TGM3: variants seen among roughly 807,000 people sequenced by gnomAD.
The protein encoded by TGM3 is transglutaminase 3, also known as protein-glutamine gamma-glutamyltransferase E.
TGM3 carries 52 observed loss-of-function variants against 73.8 expected under a neutral mutation model. The observed-to-expected ratio is 0.70, with a 90% confidence interval of 0.56 to 0.89. The LOEUF is 0.89. Ranked by LOEUF, TGM3 falls within the 40% of genes least tolerant of loss-of-function variation. The pLI is 0.00. For synonymous variants in TGM3, 372 were observed against 354.9 expected, an observed-to-expected ratio of 1.05 and a Z score of -0.54; for missense variants, 928 against 909.9, an observed-to-expected ratio of 1.02 and a Z score of -0.26.
At chr20:2,323,615 T>C (rs2084272510) in intron 7 of TGM3, among the ~76,000 whole-genome samples, 1 of 152,226 alleles carries the variant, frequency 6.6e-6, no homozygotes, top group Admixed American at 6.5e-5. Context: ...TTACAAGTTT[T>C]TATATTCATT....
At position 2,331,991 on chromosome 20, in the gene TGM3, C is replaced by G. The variant is rs45540331; in HGVS notation, c.1334-11C>G. The G allele has an allele frequency of 0.023, 37,132 of 1,583,964 alleles. 514 individuals are homozygous for G. Among genetic ancestry groups the G allele is most frequent in the African/African-American group, 0.05 (3,734 of 74,266 alleles). ...ATCCCTGGCATGTTTCTGTCTTTTC[C>G]CACCACACAGGCTCTGACCAGGAAA... On this transcript the variant is annotated splice_polypyrimidine_tract_variant and intron_variant, in intron 9 of 12. Transcript: ENST00000381458.
At position 2,328,440 on chromosome 20, in the gene TGM3, A is replaced by G; in HGVS notation, c.1333+75A>G. 1 of 1,579,350 alleles carries G rather than the reference A, an allele frequency of 6.3e-7. No individual in the cohort carries two copies. The highest frequency in any genetic ancestry group is 8.6e-7 in the Non-Finnish European group (1 of 1,161,306). ...GGATGGCTCTGAGGCTGGAGAGGAGAAAAGTCCTCACCTCCCCCGCACTGG... is the reference window on the plus strand; with the variant it reads ...GGATGGCTCTGAGGCTGGAGAGGAGGAAAGTCCTCACCTCCCCCGCACTGG... On this transcript the variant is annotated intron_variant, in intron 9 of 12. Coordinates refer to ENST00000381458, the MANE Select transcript of TGM3 (RefSeq NM_003245.4). The surrounding 1 kb of genome is among the most constrained non-coding windows in gnomAD (Gnocchi z 5.2).
At chr20:2,313,177 G>T (rs2084216133) in intron 5 of TGM3, 151 bp downstream of exon 5, 1 of 1,179,904 alleles carries the variant, frequency 8.5e-7, no homozygotes, top group Admixed American at 2.3e-5. Flanking sequence ...TACTAACTTG[G>T]AGCACAAGGC....
At chr20:2,299,677 T>G (rs778243884) in intron 1 of TGM3, among the ~76,000 whole-genome samples, 2 of 152,220 alleles carry the variant, frequency 1.3e-5, no homozygotes, top group African/African-American at 2.4e-5. Context: ...GCCTCCTTCC[T>G]ATAGCTGCCG....
At chr20:2,316,587 TAATA>T (rs1409017699) in intron 5 of TGM3, among the ~76,000 whole-genome samples, 4 of 150,758 alleles carry the variant, frequency 2.7e-5, no homozygotes, top group African/African-American at 7.3e-5. Flanking sequence ...TAATAAATAA[TAATA>T]AATAAATAAA....
intron 7 of TGM3, among the ~76,000 whole-genome samples, chr20:2,325,605 C>T (rs1452989629): frequency 6.6e-6 from 1 of 152,196 alleles, no homozygotes; most frequent in Non-Finnish European, 1.5e-5. Flanking sequence ...TTGTTAGATG[C>T]TTAACTTCTC....
rs1273004002 is a variant in TGM3, at chr20:2,328,253, C to T, written c.1221C>T (p.Gly407=). 6 of 1,614,042 alleles carry T rather than the reference C, an allele frequency of 3.7e-6. No individual in the cohort carries two copies. Among genetic ancestry groups the T allele is most frequent in the Non-Finnish European group, 5.1e-6 (6 of 1,180,040 alleles). Residue 407 remains glycine (G), a synonymous_variant, in exon 9 of 13, where the codon GGC becomes GGT. Coordinates refer to ENST00000381458, the MANE Select transcript of TGM3 (RefSeq NM_003245.4). This position sits in a 1 kb window ranked among gnomAD's most constrained non-coding sequence, Gnocchi z 5.2. ...RITWLYDNTT[G]KQWKNSVNSH... is the part of the protein sequence containing the mutation. ...CCTGGCTGTACGACAACACCACTGG[C>T]AAACAGTGGAAGAATTCCGTGAACA...
intron 10 of TGM3, among the ~76,000 whole-genome samples, chr20:2,333,370 T>TTTTG (rs562196323): frequency 2.4e-4 from 36 of 152,026 alleles, no homozygotes; most frequent in African/African-American, 5.8e-4. Context: ...AAAGGGCTTT[T>TTTTG]TTTGTTTGTT....
At chr20:2,314,570 C>A (rs867062872) in intron 5 of TGM3, among the ~76,000 whole-genome samples, 7 of 147,050 alleles carry the variant, frequency 4.8e-5, no homozygotes, top group Admixed American at 1.4e-4. Flanking sequence ...CACACACACA[C>A]AGGAGCCAGG....
At chr20:2,300,247 A>AGAAAGAAAGAAAAGAGAGGAGAAGAGAAG (rs2084137734) in intron 1 of TGM3, among the ~76,000 whole-genome samples, 4 of 151,518 alleles carry the variant, frequency 2.6e-5, no homozygotes, top group Non-Finnish European at 5.9e-5. Context: ...AAAGAAAGAA[A>AGAAAGAAAGAAAAGAGAGGAGAAGAGAAG]GAAAGAAAAG....
rs745980148 is a variant in TGM3, at chr20:2,340,506, G to A, written c.2007G>A (p.Lys669=). The part of the protein sequence containing the change: ...FDILPSRSGT[K]QLLADFSCNK... ...TCCTGCCCTCCCGGAGTGGCACCAA[G>A]CAACTGCTCGCCGACTTCTCCTGCA... The change falls in exon 13 of 13, where the codon AAG becomes AAA. Residue 669 remains lysine (K), a synonymous_variant. Transcript: ENST00000381458. The A allele has an allele frequency of 2.5e-6, 4 of 1,614,192 alleles. No individual in the cohort carries two copies. Among genetic ancestry groups the A allele is most frequent in the South Asian group, 2.2e-5 (2 of 91,082 alleles).
chr20:2,315,945 G>A (rs778719033), intron 5 of TGM3, among the ~76,000 whole-genome samples: 5 of 152,224 alleles, frequency 3.3e-5, no homozygotes, highest in Non-Finnish European at 7.3e-5. Context: ...TCCTGTGTCT[G>A]CATCACAAGC....
chr20:2,318,539 T>A (rs1810649219), intron 7 of TGM3, among the ~76,000 whole-genome samples: 1 of 152,224 alleles, frequency 6.6e-6, no homozygotes, highest in South Asian at 2.1e-4. Context: ...ATATACCAAG[T>A]TATTACCGGA....
At chr20:2,320,043 T>C (rs1286668659) in intron 7 of TGM3, among the ~76,000 whole-genome samples, 6 of 152,242 alleles carry the variant, frequency 3.9e-5, no homozygotes, top group Admixed American at 2.6e-4. Flanking sequence ...GCCCTGCTGT[T>C]CCTTCCTCCT....
At chr20:2,298,712 T>C (rs2084125114) in intron 1 of TGM3, among the ~76,000 whole-genome samples, 1 of 152,172 alleles carries the variant, frequency 6.6e-6, no homozygotes, top group Non-Finnish European at 1.5e-5. Context: ...CAGGAATTGC[T>C]CTTGGGTTCT....
chr20:2,318,697 G>C (rs554790668), intron 7 of TGM3, among the ~76,000 whole-genome samples: 2 of 152,212 alleles, frequency 1.3e-5, no homozygotes. Flanking sequence ...CTAGATAATC[G>C]TATGACAGAT....
intron 1 of TGM3, among the ~76,000 whole-genome samples, chr20:2,306,821 A>T (rs1212646247): frequency 6.6e-6 from 1 of 152,130 alleles, no homozygotes. Context: ...CCAAATCTCA[A>T]CTGGCTGGGA....
chr20:2,328,043 T>C lies in TGM3; in HGVS notation c.1088-77T>C, dbSNP rs2084298676. ...CAGAGGCAGGGGGTTGCAGTGGTCC[T>C]GGAAGGCCCTGGGGAATCGGGCACT... On this transcript the variant is annotated intron_variant, in intron 8 of 12. Coordinates refer to ENST00000381458, the MANE Select transcript of TGM3 (RefSeq NM_003245.4). The surrounding 1 kb of genome is among the most constrained non-coding windows in gnomAD (Gnocchi z 5.2). 1.9e-6 allele frequency: 3 copies of C among 1,589,624 alleles called. No homozygotes were observed. The highest frequency in any genetic ancestry group is 4.5e-5 in the East Asian group (2 of 44,594).
At chr20:2,311,757 C>G (rs1431510874) in intron 4 of TGM3, among the ~76,000 whole-genome samples, 1 of 151,988 alleles carries the variant, frequency 6.6e-6, no homozygotes, top group Non-Finnish European at 1.5e-5. Context: ...TCAACTGGAG[C>G]AAGTTGGGAG....
Sources: gnomAD v4.1 joint callset for allele counts (sites outside exome capture counted in the v4.1 genomes callset) on GRCh38, gnomAD v4.1.1 for gene constraint, Gnocchi (gnomAD v3.1) non-coding constraint, MANE v1.5 for transcripts, NCBI Gene and HGNC (gene_info 2026-07-23, HGNC 2026-07-21) for gene names.